The following WDR70 variants were observed in gnomAD, a reference collection of about 807,000 sequenced individuals.
WDR70 encodes the protein WD repeat-containing protein 70.
A neutral mutation model predicts 88.6 loss-of-function variants in WDR70; 53 were observed. The ratio of observed to expected loss-of-function variants is 0.60; its 90% confidence interval spans 0.48 to 0.75. The LOEUF is 0.75. Ranked by LOEUF, WDR70 falls within the 30% of genes least tolerant of loss-of-function variation. WDR70 has a pLI of 0.00. For synonymous variants in WDR70, 280 were observed against 270.0 expected, an observed-to-expected ratio of 1.04 and a Z score of -0.36; for missense variants, 610 against 823.2, an observed-to-expected ratio of 0.74 and a Z score of 3.17.
chr5:37,399,144 G>C (rs1357971055), intron 5 of WDR70, among the ~76,000 whole-genome samples: 3 of 152,236 alleles, frequency 2.0e-5, no homozygotes, highest in Non-Finnish European at 4.4e-5. Context: ...CGGGCATGGT[G>C]GTGGGCGCCT....
Position 37,427,757 on chromosome 5 carries a change from C to T in WDR70, c.493-10165C>T, listed in dbSNP as rs144702031. ...CAAAAAATAGCTGGGCGTGGTGGCG[C>T]GCGCCTGTAATCCCAGCTACTCAGG... On this transcript the variant is annotated intron_variant, in intron 5 of 17. Transcript: ENST00000265107. Among the ~76,000 whole-genome samples the T allele has an allele frequency of 9.2e-3, 1,398 of 151,402 alleles. 15 individuals carry two copies. The highest frequency in any genetic ancestry group is 0.029 in the African/African-American group (1,188 of 41,264).
At chr5:37,433,766 A>G (rs1327291640) in intron 5 of WDR70, among the ~76,000 whole-genome samples, 1 of 152,218 alleles carries the variant, frequency 6.6e-6, no homozygotes, top group Non-Finnish European at 1.5e-5. Flanking sequence ...TCTTAGGCAG[A>G]ATGGAATTGA....
chr5:37,382,192 C>T (rs182783528), intron 3 of WDR70, among the ~76,000 whole-genome samples: 4 of 151,644 alleles, frequency 2.6e-5, no homozygotes, highest in Non-Finnish European at 4.4e-5. Context: ...TCCACCTCCC[C>T]GGTTCAAGCG....
chr5:37,597,323 A>T (rs1254532418), intron 9 of WDR70, among the ~76,000 whole-genome samples: 1 of 152,310 alleles, frequency 6.6e-6, no homozygotes. Context: ...ATGTATGCAC[A>T]TTCCAATTGC....
intron 15 of WDR70, chr5:37,723,171 G>A (rs773380592): frequency 6.6e-5 from 36 of 547,152 alleles, no homozygotes; most frequent in Non-Finnish European, 1.2e-4. Context: ...AAGCCTGTTC[G>A]AGTCCAATAC....
intron 9 of WDR70, among the ~76,000 whole-genome samples, chr5:37,590,966 C>G (rs572349193): frequency 1.3e-5 from 2 of 152,168 alleles, no homozygotes; most frequent in South Asian, 2.1e-4. Context: ...ATGAATAAAA[C>G]TGAAATTAAA....
rs1747193211 is a variant in WDR70 at position 37,702,488 on chromosome 5, T to G, written c.1278-461T>G. ...TCAACTTGATATAACTCAAATTATT[T>G]GGGGGTGATGGTAGTGGTGTTAGTG... On this transcript the variant is annotated intron_variant, in intron 12 of 17. Coordinates refer to ENST00000265107, the MANE Select transcript of WDR70 (RefSeq NM_018034.4). 2.0e-5 allele frequency among the ~76,000 whole-genome samples: 3 copies of G among 152,186 alleles called. No homozygotes were observed. The South Asian group carries it at 6.2e-4, about 32-fold the overall frequency.
At chr5:37,432,126 C>T (rs1750323682) in intron 5 of WDR70, among the ~76,000 whole-genome samples, 2 of 151,952 alleles carry the variant, frequency 1.3e-5, no homozygotes, top group African/African-American at 2.4e-5. Flanking sequence ...TGAGATACTA[C>T]CAAGCTGTTT....
intron 5 of WDR70, among the ~76,000 whole-genome samples, chr5:37,432,329 A>C (rs1750330662): frequency 6.6e-6 from 1 of 152,052 alleles, no homozygotes; most frequent in Non-Finnish European, 1.5e-5. Flanking sequence ...GCATCTTTTC[A>C]TGTGCTTATT....
chr5:37,413,881 C>T (rs1173618947), intron 5 of WDR70, among the ~76,000 whole-genome samples: 1 of 152,056 alleles, frequency 6.6e-6, no homozygotes, highest in Non-Finnish European at 1.5e-5. Context: ...CACAGTGGCT[C>T]ACGTCTGTAA....
At chr5:37,622,749 G>A (rs576651675) in intron 10 of WDR70, among the ~76,000 whole-genome samples, 29 of 152,222 alleles carry the variant, frequency 1.9e-4, no homozygotes, top group Admixed American at 7.2e-4. Flanking sequence ...TGTGGGGTGG[G>A]GGGAGCGGGG....
At chr5:37,609,979 C>A (rs1291268110) in intron 10 of WDR70, among the ~76,000 whole-genome samples, 1 of 152,200 alleles carries the variant, frequency 6.6e-6, no homozygotes, top group African/African-American at 2.4e-5. Context: ...CATCCTTCTT[C>A]TTATTAATAC....
At chr5:37,699,383 G>T (rs1202064353) in intron 11 of WDR70, among the ~76,000 whole-genome samples, 2 of 66,114 alleles carry the variant, frequency 3.0e-5, no homozygotes, top group African/African-American at 5.5e-5. Flanking sequence ...GTATATATAT[G>T]TATGTGTGTA....
chr5:37,579,582 C>CAAAAA (rs201135421), intron 9 of WDR70, among the ~76,000 whole-genome samples: 1 of 82,716 alleles, frequency 1.2e-5, no homozygotes, highest in African/African-American at 4.4e-5. Context: ...GACTCTGTCT[C>CAAAAA]AAAAAAAAAA....
chr5:37,415,275 C>T (rs1253198305), intron 5 of WDR70, among the ~76,000 whole-genome samples: 2 of 151,932 alleles, frequency 1.3e-5, no homozygotes, highest in African/African-American at 2.4e-5. Flanking sequence ...TCATCATGGC[C>T]CGTTCTCAAT....
intron 8 of WDR70, among the ~76,000 whole-genome samples, chr5:37,503,708 G>A (rs141997582): frequency 4.4e-4 from 67 of 152,102 alleles, no homozygotes; most frequent in African/African-American, 1.6e-3. Context: ...TTCTTAGAAG[G>A]TGTGGTAGAA....
intron 10 of WDR70, among the ~76,000 whole-genome samples, chr5:37,645,342 T>C (rs911290589): frequency 6.6e-6 from 1 of 152,100 alleles, no homozygotes; most frequent in African/African-American, 2.4e-5. Context: ...TCCATTGTGG[T>C]CAGAGAAGAT....
intron 17 of WDR70, among the ~76,000 whole-genome samples, chr5:37,728,237 A>G (rs1457139934): frequency 6.6e-6 from 1 of 151,716 alleles, no homozygotes; most frequent in Non-Finnish European, 1.5e-5. Flanking sequence ...AATCCCAGCT[A>G]CTAAGGAGGC....
chr5:37,629,181 G>A (rs1744747005), intron 10 of WDR70, among the ~76,000 whole-genome samples: 2 of 152,028 alleles, frequency 1.3e-5, no homozygotes, highest in Non-Finnish European at 2.9e-5. Flanking sequence ...TTTATGACTT[G>A]ACTCTTTTCT....
Sources: gnomAD v4.1 joint callset for allele counts (sites outside exome capture counted in the v4.1 genomes callset) on GRCh38, gnomAD v4.1.1 for gene constraint, MANE v1.5 for transcripts, NCBI Gene and HGNC (gene_info 2026-07-23, HGNC 2026-07-21) for gene names.